Variants in RASGRF2 observed in about 807,000 individuals in gnomAD.
RASGRF2 encodes the protein Ras protein specific guanine nucleotide releasing factor 2, also known as ras-specific guanine nucleotide-releasing factor 2.
Under a neutral mutation model 151.0 loss-of-function variants are expected in RASGRF2, and 76 were observed. That is an observed-to-expected ratio of 0.50 (90% CI 0.42 to 0.61). RASGRF2 has a LOEUF of 0.61. Among genes scored for constraint, RASGRF2 ranks in the 20% least tolerant of loss-of-function variants. The pLI is 0.00. For synonymous variants in RASGRF2, 504 were observed against 566.5 expected (o/e 0.89, Z 1.57); for missense variants, 1,148 against 1,564.6 (o/e 0.73, Z 4.49).
At chr5:81,056,700 G>A (rs942757786) in intron 2 of RASGRF2, among the ~76,000 whole-genome samples, 7 of 152,214 alleles carry the variant, frequency 4.6e-5, no homozygotes, top group African/African-American at 1.2e-4. Context: ...TTTCTGTCTC[G>A]TGGATCTGTC....
chr5:81,037,891 T>A (rs1464833847), intron 1 of RASGRF2, among the ~76,000 whole-genome samples: 1 of 152,240 alleles, frequency 6.6e-6, no homozygotes, highest in African/African-American at 2.4e-5. Flanking sequence ...TTATGTTTCC[T>A]TGTACTTCTT....
At chr5:81,222,433 C>T (rs2112753014) in intron 26 of RASGRF2, among the ~76,000 whole-genome samples, 1 of 152,260 alleles carries the variant, frequency 6.6e-6, no homozygotes, top group East Asian at 1.9e-4. Context: ...TCTGGAGTGC[C>T]CTTTCTTCCT....
In RASGRF2 at chr5:81,112,654, G is replaced by T. The variant is rs1231546688; in HGVS notation, c.1883G>T (p.Ser628Ile). 4 of 1,614,086 alleles carry T rather than the reference G, an allele frequency of 2.5e-6. No individual in the cohort carries two copies. The African/African-American group carries it at 4.0e-5, about 16-fold the overall frequency. ...AAAGACGACACTGACATTTGCTTCA[G>T]TAAAACACTCAACTCCTGCAAAGTG... ...LHKDDTDICF[S>I]KTLNSCKVPQ... The change falls in exon 14 of 27, where the codon AGT becomes ATT. Residue 628 changes from serine to isoleucine, a missense_variant. Around this residue, in one of 5 missense-constraint regions of RASGRF2, gnomAD observed 646 missense variants for 807.4 expected, o/e 0.80. Transcript: ENST00000265080.
At chr5:81,145,167 T>A (rs184206272) in intron 17 of RASGRF2, among the ~76,000 whole-genome samples, 17 of 152,170 alleles carry the variant, frequency 1.1e-4, no homozygotes, top group Admixed American at 4.6e-4. Flanking sequence ...AGGTGGAGGT[T>A]GCAGTAAGCC....
intron 2 of RASGRF2, among the ~76,000 whole-genome samples, chr5:81,044,821 A>G (rs1236127742): frequency 2.6e-5 from 4 of 151,860 alleles, no homozygotes; most frequent in Non-Finnish European, 5.9e-5. Context: ...CCTCTTTATC[A>G]CTACAGTCTT....
intron 2 of RASGRF2, among the ~76,000 whole-genome samples, chr5:81,051,555 A>C (rs141029746): frequency 1.3e-4 from 20 of 152,306 alleles, no homozygotes; most frequent in African/African-American, 4.6e-4. Flanking sequence ...CTCATTCTGG[A>C]CATTTCATAT....
intron 1 of RASGRF2, among the ~76,000 whole-genome samples, chr5:81,005,632 A>G (rs1350974418): frequency 6.6e-6 from 1 of 152,230 alleles, no homozygotes; most frequent in Non-Finnish European, 1.5e-5. Context: ...TTGTTTATCC[A>G]TTCCTCAGCT....
rs759262766 is a variant in RASGRF2 at position 80,960,751 on chromosome 5, G to C, written c.13G>C (p.Val5Leu). MQKSVRYNEGHALYL... is the reference protein window; with the variant it reads MQKSLRYNEGHALYL... ...CCGCACCCGCACCATGCAGAAGAGC[G>C]TGCGCTACAACGAGGGGCACGCCCT... The change falls in exon 1 of 27, where the codon GTG (valine) becomes CTG (leucine). Residue 5 changes from valine to leucine, a missense_variant. Around this residue, in one of 5 missense-constraint regions of RASGRF2, gnomAD observed 221 missense variants for 271.3 expected, o/e 0.81. Coordinates refer to ENST00000265080, the MANE Select transcript of RASGRF2 (RefSeq NM_006909.3). This position sits in a 1 kb window ranked among gnomAD's most constrained non-coding sequence, Gnocchi z 5.5. 2.6e-5 allele frequency: 41 copies of C among 1,596,022 alleles called. No individual in the cohort carries two copies. Among genetic ancestry groups the C allele is most frequent in the Non-Finnish European group, 3.4e-5 (40 of 1,169,108 alleles).
rs190814879 is a variant in RASGRF2, at chr5:81,127,731, C to T, written c.2686+568C>T. 2.5e-3 allele frequency among the ~76,000 whole-genome samples: 382 copies of T among 151,544 alleles called. 2 individuals carry two copies. The highest frequency in any genetic ancestry group is 4.6e-3 in the African/African-American group (191 of 41,304). On this transcript the variant is annotated intron_variant, in intron 17 of 26. Transcript: ENST00000265080. ...CTGAGGTCAGGCATTCAAGACTAGC[C>T]TGGACAACATGGTGAAACCCTGTCT...
chr5:81,020,913 A>G (rs530107560), intron 1 of RASGRF2, among the ~76,000 whole-genome samples: 2 of 152,288 alleles, frequency 1.3e-5, no homozygotes, highest in African/African-American at 4.8e-5. Context: ...CCATGAGGAA[A>G]CTCAGGTTCC....
rs180963128 is a variant in RASGRF2, at chr5:81,175,487, C to G, written c.2687-4688C>G. Among the ~76,000 whole-genome samples, 181 of 152,274 alleles carry G rather than the reference C, an allele frequency of 1.2e-3. 1 individual carries two copies. Among genetic ancestry groups the G allele is most frequent in the Non-Finnish European group, 6.6e-4 (45 of 68,032 alleles). On this transcript the variant is annotated intron_variant, in intron 17 of 26. Coordinates refer to ENST00000265080, the MANE Select transcript of RASGRF2 (RefSeq NM_006909.3). ...TATCTACTGGGGCTGGGCGCAGTGG[C>G]TCATGCCTGTAATCTCAGCACTTTG...
intron 2 of RASGRF2, among the ~76,000 whole-genome samples, chr5:81,066,575 G>T (rs1164932805): frequency 6.6e-6 from 1 of 152,122 alleles, no homozygotes; most frequent in Non-Finnish European, 1.5e-5. Flanking sequence ...CAGGAGCCCA[G>T]GTAGCCATTA....
chr5:81,116,887 A>C (rs1388297066), intron 15 of RASGRF2, among the ~76,000 whole-genome samples: 1 of 152,260 alleles, frequency 6.6e-6, no homozygotes, highest in East Asian at 1.9e-4. Flanking sequence ...AATAGGTAGA[A>C]TAATAAGAAA....
chr5:81,007,295 G>A (rs1749304143), intron 1 of RASGRF2, among the ~76,000 whole-genome samples: 1 of 152,124 alleles, frequency 6.6e-6, no homozygotes, highest in Non-Finnish European at 1.5e-5. Flanking sequence ...TTCCTGTGTT[G>A]GAGGAAGGTT....
chr5:81,198,390 GT>G (rs1755314748), intron 18 of RASGRF2, among the ~76,000 whole-genome samples: 1 of 151,950 alleles, frequency 6.6e-6, no homozygotes, highest in African/African-American at 2.4e-5. Flanking sequence ...TTCTGCATTA[GT>G]TTGCTTAGGA....
Position 81,128,122 on chromosome 5 carries a change from A to G in RASGRF2, c.2686+959A>G, listed in dbSNP as rs182629485. ...AGTAGAAAGTAGACTGGTGGTTACC[A>G]GGGGCTGGTGGGGAGGAAGGGAAGC... On this transcript the variant is annotated intron_variant, in intron 17 of 26. Coordinates refer to ENST00000265080, the MANE Select transcript of RASGRF2 (RefSeq NM_006909.3). 2.8e-3 allele frequency among the ~76,000 whole-genome samples: 427 copies of G among 152,222 alleles called. 2 individuals carry two copies. The highest frequency in any genetic ancestry group is 5.0e-3 in the Non-Finnish European group (340 of 68,010).
intron 2 of RASGRF2, among the ~76,000 whole-genome samples, chr5:81,065,879 T>A (rs26902): frequency 6.6e-6 from 1 of 151,940 alleles, no homozygotes; most frequent in Non-Finnish European, 1.5e-5. Context: ...CATGCTCTTA[T>A]GGTTTCATTC....
At chr5:81,177,706 T>C (rs1019738154) in intron 17 of RASGRF2, among the ~76,000 whole-genome samples, 4 of 151,680 alleles carry the variant, frequency 2.6e-5, no homozygotes, top group Non-Finnish European at 4.4e-5. Flanking sequence ...AAAGTAGATG[T>C]GTGTGGTGCC....
At chr5:81,108,884 G>C in intron 12 of RASGRF2, 112 bp from the exon 13 acceptor site, 1 of 1,378,012 alleles carries the variant, frequency 7.3e-7, no homozygotes, top group Non-Finnish European at 9.6e-7. Flanking sequence ...GTGTGTGTAA[G>C]AGACAGGGAG....
Sources: allele counts gnomAD v4.1 joint callset (sites outside exome capture counted in the v4.1 genomes callset), GRCh38; gene constraint gnomAD v4.1.1; regional missense constraint gnomAD v4.1.1; non-coding constraint Gnocchi (gnomAD v3.1); transcripts MANE v1.5; gene names NCBI Gene and HGNC (gene_info 2026-07-23, HGNC 2026-07-21).